PTPRR: variants seen among roughly 807,000 people sequenced by gnomAD.
PTPRR encodes protein tyrosine phosphatase receptor type R, also known as receptor-type tyrosine-protein phosphatase R.
A neutral mutation model predicts 77.2 loss-of-function variants in PTPRR; 38 were observed. The observed-to-expected ratio is 0.49, with a 90% CI of 0.38 to 0.65. The LOEUF is 0.65. PTPRR is among the 30% of genes least tolerant of loss of function. The probability of loss-of-function intolerance (pLI) is 0.00; values close to 1 mark genes in which losing one functional copy is unlikely to be tolerated. For synonymous variants in PTPRR, 299 were observed against 283.1 expected, an observed-to-expected ratio of 1.06 and a Z score of -0.57; for missense variants, 744 against 799.2, an observed-to-expected ratio of 0.93 and a Z score of 0.83.
intron 1 of PTPRR, among the ~76,000 whole-genome samples, chr12:70,912,957 C>A (rs534955758): frequency 5.9e-5 from 9 of 151,980 alleles, no homozygotes; most frequent in African/African-American, 1.9e-4. Flanking sequence ...CACTCATGGG[C>A]CAAGTAGAAT....
intron 6 of PTPRR, among the ~76,000 whole-genome samples, chr12:70,702,880 T>C (rs529366201): frequency 6.6e-6 from 1 of 152,328 alleles, no homozygotes; most frequent in Non-Finnish European, 1.5e-5. Flanking sequence ...CTACATCATT[T>C]TCTAAATATT....
At chr12:70,782,816 C>T (rs1048212717) in intron 2 of PTPRR, among the ~76,000 whole-genome samples, 3 of 151,986 alleles carry the variant, frequency 2.0e-5, no homozygotes, top group Non-Finnish European at 4.4e-5. Context: ...TGAACATGTA[C>T]CCTAGAACTT....
intron 2 of PTPRR, among the ~76,000 whole-genome samples, chr12:70,886,689 G>A (rs962531328): frequency 6.6e-6 from 1 of 152,074 alleles, no homozygotes; most frequent in Non-Finnish European, 1.5e-5. Flanking sequence ...ATCATATAAT[G>A]GGTAATTAAG....
rs912629650 is a variant in PTPRR at position 70,721,454 on chromosome 12, A to T, written c.1008-20131T>A. Among the ~76,000 whole-genome samples, 5 of 152,204 alleles carry T rather than the reference A, an allele frequency of 3.3e-5. No individual in the cohort carries two copies. The South Asian group carries it at 6.2e-4, about 19-fold the overall frequency. Reference sequence around the variant, plus strand: ...GGAAAGAAGAGCAGGCACACGGTGGATAGCTCCTGTCCAAATAGATTATCA... The same window carrying T: ...GGAAAGAAGAGCAGGCACACGGTGGTTAGCTCCTGTCCAAATAGATTATCA... On this transcript the variant is annotated intron_variant, in intron 6 of 13. Transcript: ENST00000283228.
intron 2 of PTPRR, among the ~76,000 whole-genome samples, chr12:70,838,885 T>C (rs1026128299): frequency 6.6e-6 from 1 of 152,160 alleles, no homozygotes; most frequent in Non-Finnish European, 1.5e-5. Flanking sequence ...ATTAATCCTC[T>C]ATTTTTTGTT....
intron 2 of PTPRR, among the ~76,000 whole-genome samples, chr12:70,783,214 G>T (rs1891241298): frequency 6.6e-6 from 1 of 152,142 alleles, no homozygotes; most frequent in African/African-American, 2.4e-5. Flanking sequence ...GCTCAGAGGA[G>T]ACCCACTGTT....
chr12:70,917,052 T>C lies in PTPRR; in HGVS notation c.58+3281A>G, dbSNP rs547243304. 3.3e-5 allele frequency among the ~76,000 whole-genome samples: 5 copies of C among 152,306 alleles called. No individual in the cohort carries two copies. The East Asian group carries it at 9.6e-4, about 29-fold the overall frequency. ...CTTTTGCAACTAAAATACAACACTA[T>C]AAATAATATCTCCTCAAATGGAATA... is the stretch of plus-strand genomic sequence containing the variant. On this transcript the variant is annotated intron_variant, in intron 1 of 13. Transcript: ENST00000283228.
chr12:70,756,515 T>C (rs1452413445), intron 4 of PTPRR, among the ~76,000 whole-genome samples: 1 of 152,166 alleles, frequency 6.6e-6, no homozygotes, highest in African/African-American at 2.4e-5. Context: ...CCCATGCTTT[T>C]TATATTTTGT....
intron 5 of PTPRR, 64 bp downstream of exon 5, chr12:70,754,126 AT>A (rs1890491952): frequency 1.4e-6 from 2 of 1,433,842 alleles, no homozygotes; most frequent in Middle Eastern, 1.9e-4. Context: ...TTGAATGGCA[AT>A]GTACCCACTA....
At chr12:70,871,460 C>G (rs1261065532) in intron 2 of PTPRR, among the ~76,000 whole-genome samples, 1 of 152,164 alleles carries the variant, frequency 6.6e-6, no homozygotes, top group Admixed American at 6.5e-5. Context: ...ATCATTCTTT[C>G]TCTCCATGGG....
intron 2 of PTPRR, among the ~76,000 whole-genome samples, chr12:70,779,830 T>C (rs997894801): frequency 1.3e-5 from 2 of 152,158 alleles, no homozygotes; most frequent in Admixed American, 6.5e-5. Flanking sequence ...GAGGAAGGTA[T>C]GTTCAATTTA....
At chr12:70,676,672 A>G (rs1222271329) in intron 10 of PTPRR, among the ~76,000 whole-genome samples, 1 of 152,106 alleles carries the variant, frequency 6.6e-6, no homozygotes, top group Admixed American at 6.5e-5. Flanking sequence ...CAGTATATCC[A>G]TCACTGCAAA....
chr12:70,872,709 A>AAAAAAAAAAAAAAAAC (rs1892982207), intron 2 of PTPRR, among the ~76,000 whole-genome samples: 1 of 148,984 alleles, frequency 6.7e-6, no homozygotes. Flanking sequence ...AAAAAAAAAA[A>AAAAAAAAAAAAAAAAC]AAAAAAAAAA....
At chr12:70,654,428 C>G (rs1365798696) in intron 13 of PTPRR, among the ~76,000 whole-genome samples, 1 of 152,088 alleles carries the variant, frequency 6.6e-6, no homozygotes, top group Non-Finnish European at 1.5e-5. Flanking sequence ...AAATACAAAA[C>G]TCAGCTGAGT....
intron 2 of PTPRR, among the ~76,000 whole-genome samples, chr12:70,885,388 G>A (rs1893221024): frequency 6.6e-6 from 1 of 152,082 alleles, no homozygotes; most frequent in Admixed American, 6.5e-5. Context: ...GACTTGGAAA[G>A]CCATCCATAA....
chr12:70,747,381 T>C (rs1182377539), intron 5 of PTPRR, among the ~76,000 whole-genome samples: 1 of 152,226 alleles, frequency 6.6e-6, no homozygotes, highest in African/African-American at 2.4e-5. Flanking sequence ...TCTGTACCTT[T>C]ACAAAAATAC....
intron 2 of PTPRR, among the ~76,000 whole-genome samples, chr12:70,770,089 A>G (rs1592746978): frequency 2.0e-5 from 3 of 151,114 alleles, no homozygotes; most frequent in African/African-American, 7.4e-5. Flanking sequence ...CATTCAGGAC[A>G]TAGGCATGGG....
At chr12:70,799,405 T>C (rs964025315) in intron 2 of PTPRR, among the ~76,000 whole-genome samples, 5 of 152,208 alleles carry the variant, frequency 3.3e-5, no homozygotes, top group African/African-American at 1.2e-4. Context: ...CATGTTTATT[T>C]CCTCTAAAAT....
chr12:70,894,555 A>G (rs1323345756), intron 1 of PTPRR, among the ~76,000 whole-genome samples: 3 of 151,782 alleles, frequency 2.0e-5, no homozygotes, highest in Non-Finnish European at 4.4e-5. Flanking sequence ...CTCCTTTCAG[A>G]AATGTAGAAA....
Sources: allele counts gnomAD v4.1 joint callset (sites outside exome capture counted in the v4.1 genomes callset), GRCh38; gene constraint gnomAD v4.1.1; transcripts MANE v1.5; gene names NCBI Gene and HGNC (gene_info 2026-07-23, HGNC 2026-07-21).